The following ZFHX3 variants were observed in gnomAD, a reference collection of about 807,000 sequenced individuals.
The protein encoded by ZFHX3 is zinc finger homeobox protein 3.
Under a neutral mutation model 279.1 loss-of-function variants are expected in ZFHX3, and 42 were observed. The observed-to-expected ratio is 0.15, with a 90% CI of 0.12 to 0.19. The LOEUF is 0.19. Among genes scored for constraint, ZFHX3 ranks in the 10% least tolerant of loss-of-function variants. ZFHX3 has a pLI of 1.00. For missense variants in ZFHX3, 4,981 were observed against 4,754.0 expected, an observed-to-expected ratio of 1.05 and a Z score of -1.40; for synonymous variants, 2,293 against 1,957.8, an observed-to-expected ratio of 1.17 and a Z score of -4.52.
intron 5 of ZFHX3, among the ~76,000 whole-genome samples, chr16:73,195,121 A>C (rs914886260): frequency 6.6e-6 from 1 of 152,120 alleles, no homozygotes; most frequent in African/African-American, 2.4e-5. Context: ...CACCTTTTGC[A>C]TGTTCTTGAT....
intron 1 of ZFHX3, among the ~76,000 whole-genome samples, chr16:73,748,045 G>A (rs2053720115): frequency 6.6e-6 from 1 of 152,168 alleles, no homozygotes; most frequent in Admixed American, 6.6e-5. Context: ...AGCAAAAGAT[G>A]TTGGGGATAA....
At chr16:73,155,824 A>AAAACAAAC (rs78841817) in intron 5 of ZFHX3, among the ~76,000 whole-genome samples, 9 of 150,738 alleles carry the variant, frequency 6.0e-5, no homozygotes, top group African/African-American at 1.7e-4. Context: ...ACTCTGCCTC[A>AAAACAAAC]AAACAAACAA....
intron 1 of ZFHX3, among the ~76,000 whole-genome samples, chr16:73,682,974 GAAAGAAAGAAAGAAAGA>G (rs1567550759): frequency 0.018 from 538 of 29,500 alleles, 84 homozygotes; most frequent in African/African-American, 0.053. Flanking sequence ...AAGAAAGAAA[GAAAGAAAGAAAGAAAGA>G]AAAGAAAGAA....
At chr16:72,977,112 G>A (rs1408095195) in intron 1 of ZFHX3, among the ~76,000 whole-genome samples, 1 of 152,232 alleles carries the variant, frequency 6.6e-6, no homozygotes, top group Non-Finnish European at 1.5e-5. Context: ...GAGTTGACAA[G>A]AAAGGATATG....
intron 2 of ZFHX3, among the ~76,000 whole-genome samples, chr16:73,535,938 G>A (rs1298021914): frequency 6.6e-6 from 1 of 151,888 alleles, no homozygotes; most frequent in Non-Finnish European, 1.5e-5. Context: ...TAGCCAGGAT[G>A]GTCTCTATCT....
chr16:73,220,928 A>G (rs1226460366), intron 5 of ZFHX3, among the ~76,000 whole-genome samples: 1 of 152,092 alleles, frequency 6.6e-6, no homozygotes, highest in Non-Finnish European at 1.5e-5. Context: ...AGGGAGGTGT[A>G]CTCAGGGACA....
chr16:73,421,943 G>C (rs2017726207), intron 3 of ZFHX3, among the ~76,000 whole-genome samples: 1 of 152,130 alleles, frequency 6.6e-6, no homozygotes, highest in Non-Finnish European at 1.5e-5. Flanking sequence ...TCCTCCATCT[G>C]AGCAAAGGCC....
At position 72,957,628 on chromosome 16, in the gene ZFHX3, T is replaced by C; in HGVS notation, c.2518A>G (p.Thr840Ala). 1 of 1,614,104 alleles carries C rather than the reference T, an allele frequency of 6.2e-7. No homozygotes were observed. Among genetic ancestry groups the C allele is most frequent in the Non-Finnish European group, 8.5e-7 (1 of 1,180,028 alleles). Residue 840 changes from threonine (T) to alanine (A), a missense_variant, in exon 2 of 10, where the codon ACC (threonine) becomes GCC (alanine). By Grantham distance (58) the Thr-to-Ala change is moderately conservative (BLOSUM62 0). Around this residue, in one of 7 missense-constraint regions of ZFHX3, gnomAD observed 1,751 missense variants for 1,770.0 expected, o/e 0.99. Coordinates refer to ENST00000268489, the MANE Select transcript of ZFHX3 (RefSeq NM_006885.4). ...HNMMLLQQNM[T>A]QIQHNRHLGL... ...AGGTGGCGGTTGTGTTGGATCTGGGTCATGTTCTGTTGCAGTAACATCATG... is the reference window on the plus strand; with the variant it reads ...AGGTGGCGGTTGTGTTGGATCTGGGCCATGTTCTGTTGCAGTAACATCATG...
At chr16:73,718,246 A>G (rs2053435277) in intron 1 of ZFHX3, among the ~76,000 whole-genome samples, 1 of 152,154 alleles carries the variant, frequency 6.6e-6, no homozygotes, top group African/African-American at 2.4e-5. Flanking sequence ...CCCTGTCTCT[A>G]CAAATAACAT....
chr16:72,896,494 C>G (rs146797129), intron 3 of ZFHX3, among the ~76,000 whole-genome samples: 1 of 152,164 alleles, frequency 6.6e-6, no homozygotes, highest in South Asian at 2.1e-4. Flanking sequence ...GCAAACTAAT[C>G]ATTTTAAAAG....
At chr16:73,085,046 A>G (rs1965995374) in intron 8 of ZFHX3, among the ~76,000 whole-genome samples, 1 of 152,164 alleles carries the variant, frequency 6.6e-6, no homozygotes, top group Non-Finnish European at 1.5e-5. Flanking sequence ...ATAGAAAAAA[A>G]AAGTCCTAGA....
At chr16:73,477,247 T>C (rs1252357983) in intron 2 of ZFHX3, among the ~76,000 whole-genome samples, 3 of 152,258 alleles carry the variant, frequency 2.0e-5, no homozygotes, top group Non-Finnish European at 2.9e-5. Flanking sequence ...TAGCAAATCT[T>C]GTTTTCTGTG....
intron 4 of ZFHX3, among the ~76,000 whole-genome samples, chr16:73,285,300 T>C (rs570960961): frequency 2.6e-5 from 4 of 152,242 alleles, no homozygotes; most frequent in African/African-American, 7.2e-5. Context: ...CTCGAAGAGA[T>C]TAAGGGATCG....
chr16:73,817,077 C>T (rs1041812409), intron 1 of ZFHX3, among the ~76,000 whole-genome samples: 3 of 152,060 alleles, frequency 2.0e-5, no homozygotes, highest in African/African-American at 7.2e-5. Flanking sequence ...ACTGGGATGG[C>T]GATGAGGAAG....
chr16:73,350,234 C>A (rs566469592), intron 3 of ZFHX3, among the ~76,000 whole-genome samples: 9 of 152,230 alleles, frequency 5.9e-5, no homozygotes, highest in African/African-American at 2.2e-4. Flanking sequence ...CCATTCTGAA[C>A]AAGAATATCT....
intron 6 of ZFHX3, among the ~76,000 whole-genome samples, chr16:73,133,036 G>C (rs1966722071): frequency 6.6e-6 from 1 of 152,184 alleles, no homozygotes; most frequent in African/African-American, 2.4e-5. Context: ...GCAACACATG[G>C]GAGGCCCCTG....
chr16:73,841,914 T>C (rs1407080506), intron 1 of ZFHX3, among the ~76,000 whole-genome samples: 2 of 151,934 alleles, frequency 1.3e-5, no homozygotes, highest in African/African-American at 4.8e-5. Context: ...TCATACTTTA[T>C]ATGAAAAACA....
At chr16:73,467,096 G>A (rs968759531) in intron 2 of ZFHX3, among the ~76,000 whole-genome samples, 3 of 152,296 alleles carry the variant, frequency 2.0e-5, no homozygotes, top group East Asian at 1.9e-4. Context: ...GAATGGAGTT[G>A]TTATAAAGAT....
Position 73,130,265 on chromosome 16 carries a change from A to C in ZFHX3, c.-897+703T>G, listed in dbSNP as rs11860964. Reference sequence around the variant, plus strand: ...ATTTTTGGTGGAGGGAAAAAAAAAAACATCAGGGAAAATACCATGTTTGGA... The same window carrying C: ...ATTTTTGGTGGAGGGAAAAAAAAAACCATCAGGGAAAATACCATGTTTGGA... On this transcript the variant is annotated intron_variant, in intron 7 of 17. Coordinates refer to the ZFHX3 transcript ENST00000641206. 4.1e-4 allele frequency among the ~76,000 whole-genome samples: 62 copies of C among 152,178 alleles called. No homozygotes were observed. In the East Asian group the frequency reaches 7.1e-3, roughly 18 times the overall value.
Sources: gnomAD v4.1 joint callset for allele counts (sites outside exome capture counted in the v4.1 genomes callset) on GRCh38, gnomAD v4.1.1 for gene constraint, gnomAD v4.1.1 regional missense constraint, MANE v1.5 for transcripts, NCBI Gene and HGNC (gene_info 2026-07-23, HGNC 2026-07-21) for gene names.